AFTPH: variants seen among roughly 807,000 people sequenced by gnomAD.
AFTPH encodes aftiphilin, also known as aftiphilin protein.
In AFTPH, 7 loss-of-function variants were observed where a neutral mutation model predicts 72.5. The observed-to-expected ratio is 0.10, with a 90% CI of 0.05 to 0.18. The LOEUF (loss-of-function observed/expected upper bound fraction) is 0.18, where lower values mean the gene tolerates loss of function less well. Among genes scored for constraint, AFTPH ranks in the 10% least tolerant of loss-of-function variants. The probability of loss-of-function intolerance (pLI) is 1.00; values close to 1 mark genes in which losing one functional copy is unlikely to be tolerated. For synonymous variants in AFTPH, 337 were observed against 370.1 expected (o/e 0.91, Z 1.03); for missense variants, 979 against 1,060.5 (o/e 0.92, Z 1.07).
intron 8 of AFTPH, among the ~76,000 whole-genome samples, chr2:64,588,479 T>C (rs1198739799): frequency 1.3e-5 from 2 of 152,216 alleles, no homozygotes; most frequent in Non-Finnish European, 2.9e-5. Flanking sequence ...ATAGGAACTC[T>C]AACTTCTTTG....
exon 2 of AFTPH, chr2:64,552,092 A>G: frequency 6.2e-7 from 1 of 1,614,068 alleles, no homozygotes; most frequent in Non-Finnish European, 8.5e-7. Flanking sequence ...TAGCTGATTC[A>G]AAGGGACGGA....
rs555881280 is a variant in AFTPH, at chr2:64,527,472, C to T, written c.-33+2860C>T. Among the ~76,000 whole-genome samples, 20 of 151,684 alleles carry T rather than the reference C, an allele frequency of 1.3e-4. No individual in the cohort carries two copies. The South Asian group carries it at 4.0e-3, about 30-fold the overall frequency. On this transcript the variant is annotated intron_variant, in intron 1 of 8. Coordinates refer to ENST00000238856, the Ensembl canonical transcript of AFTPH. The stretch of plus-strand genomic sequence containing the variant: ...GCACATGCCTATAATCCCAGCTATT[C>T]GGGAGACTGAGGCAGGGGAATCGCT...
At chr2:64,553,187 T>C (rs760196215) in exon 2 of AFTPH, 4 of 1,614,044 alleles carry the variant, frequency 2.5e-6, no homozygotes, top group South Asian at 1.1e-5. Context: ...AAGTTGTAGA[T>C]TGGAATGCTT....
intron 2 of AFTPH, among the ~76,000 whole-genome samples, chr2:64,564,630 AAAAATAAAAT>A (rs1290943138): frequency 3.7e-4 from 54 of 146,132 alleles, no homozygotes; most frequent in African/African-American, 1.5e-3. Context: ...ATAAAAAATA[AAAAATAAAAT>A]AAATAAATGC....
At chr2:64,564,804 C>G (rs1470269282) in intron 2 of AFTPH, among the ~76,000 whole-genome samples, 1 of 151,590 alleles carries the variant, frequency 6.6e-6, no homozygotes, top group Non-Finnish European at 1.5e-5. Context: ...TACAGGATGC[C>G]CTTACCACCA....
intron 1 of AFTPH, among the ~76,000 whole-genome samples, chr2:64,546,484 G>A (rs1439253083): frequency 6.6e-6 from 1 of 151,982 alleles, no homozygotes; most frequent in Non-Finnish European, 1.5e-5. Flanking sequence ...GATTTTAACA[G>A]TGTTTACTTA....
At chr2:64,574,784 C>G (rs1219266169) in intron 6 of AFTPH, among the ~76,000 whole-genome samples, 1 of 152,222 alleles carries the variant, frequency 6.6e-6, no homozygotes, top group African/African-American at 2.4e-5. Flanking sequence ...TAGGTAGAAT[C>G]TGTTCTTAGT....
intron 1 of AFTPH, among the ~76,000 whole-genome samples, chr2:64,535,842 G>A (rs1042138875): frequency 6.6e-6 from 1 of 152,182 alleles, no homozygotes; most frequent in Non-Finnish European, 1.5e-5. Flanking sequence ...GAACAAAGAG[G>A]GAGTATCTTA....
chr2:64,584,992 TAAG>T, intron 7 of AFTPH, among the ~76,000 whole-genome samples: 1 of 152,176 alleles, frequency 6.6e-6, no homozygotes, highest in East Asian at 1.9e-4. Flanking sequence ...AGAGAAAAAA[TAAG>T]GAGGTGAGGA....
At chr2:64,538,443 G>A (rs1482346224) in intron 1 of AFTPH, among the ~76,000 whole-genome samples, 3 of 152,150 alleles carry the variant, frequency 2.0e-5, no homozygotes, top group Non-Finnish European at 4.4e-5. Context: ...GGCATTACCT[G>A]TGTACACTCC....
intron 6 of AFTPH, 123 bp downstream of exon 6, chr2:64,573,191 T>G: frequency 1.3e-6 from 1 of 745,802 alleles, no homozygotes; most frequent in Admixed American, 2.7e-5. Context: ...GATTTAATGA[T>G]GGACATGATT....
intron 4 of AFTPH, 63 bp downstream of exon 4, chr2:64,569,281 A>G (rs1672275066): frequency 6.5e-7 from 1 of 1,546,056 alleles, no homozygotes; most frequent in Non-Finnish European, 8.7e-7. Context: ...AAATTCTGTC[A>G]TACTTCTGTT....
intron 8 of AFTPH, among the ~76,000 whole-genome samples, chr2:64,591,078 G>A (rs1451989386): frequency 6.6e-6 from 1 of 152,170 alleles, no homozygotes; most frequent in African/African-American, 2.4e-5. Context: ...AGTTTGAATT[G>A]CAATCATGTG....
At position 64,562,083 on chromosome 2, in the gene AFTPH, G is replaced by A. The variant is rs145697700; in HGVS notation, c.1936-5479G>A. On this transcript the variant is annotated intron_variant, in intron 2 of 8. Transcript: ENST00000238856. Reference sequence around the variant, plus strand: ...CTATGGTACTTACCTGAATCTTCCTGAACTATAGTTTCTTCATCTGTAATA... The same window carrying A: ...CTATGGTACTTACCTGAATCTTCCTAAACTATAGTTTCTTCATCTGTAATA... Among the ~76,000 whole-genome samples the A allele has an allele frequency of 1.8e-3, 274 of 152,194 alleles. 1 individual carries two copies. The highest frequency in any genetic ancestry group is 3.4e-3 in the Non-Finnish European group (229 of 68,004).
rs115852282 is a variant in AFTPH, at chr2:64,538,457, C to T, written c.-32-12986C>T. ...TGGCATTACCTGTGTACACTCCACA[C>T]GCATACACTCTTGAGCACTATTTTG... On this transcript the variant is annotated intron_variant, in intron 1 of 8. Transcript: ENST00000238856. 9.1e-3 allele frequency among the ~76,000 whole-genome samples: 1,390 copies of T among 152,266 alleles called. 23 individuals are homozygous for T. The highest frequency in any genetic ancestry group is 0.031 in the African/African-American group (1,280 of 41,550).
exon 3 of AFTPH, chr2:64,567,677 T>G (rs1672167558): frequency 6.2e-7 from 1 of 1,613,716 alleles, no homozygotes; most frequent in Non-Finnish European, 8.5e-7. Flanking sequence ...ACAAGCACTT[T>G]GCCAATAAAA....
intron 1 of AFTPH, among the ~76,000 whole-genome samples, chr2:64,542,330 T>A (rs1457509913): frequency 1.3e-5 from 2 of 152,196 alleles, no homozygotes; most frequent in East Asian, 1.9e-4. Context: ...AGGGATTAAC[T>A]ATTCCTTAGA....
chr2:64,585,527 A>G (rs749005347), exon 8 of AFTPH: 2 of 1,611,404 alleles, frequency 1.2e-6, no homozygotes, highest in Non-Finnish European at 1.7e-6. Flanking sequence ...ACAGTAGAGA[A>G]GACAAGCACA....
intron 7 of AFTPH, chr2:64,580,084 G>A (rs1573036558): frequency 1.3e-5 from 2 of 152,660 alleles, no homozygotes; most frequent in African/African-American, 4.8e-5. Context: ...CCAAATGTTA[G>A]TAGGCAGTTC....
Sources: allele counts gnomAD v4.1 joint callset (sites outside exome capture counted in the v4.1 genomes callset), GRCh38; gene constraint gnomAD v4.1.1; transcripts MANE v1.5; gene names NCBI Gene and HGNC (gene_info 2026-07-23, HGNC 2026-07-21).